The following MS4A5 variants were observed in gnomAD, a reference collection of about 807,000 sequenced individuals.
MS4A5 encodes the protein membrane spanning 4-domains A5, also known as membrane-spanning 4-domains subfamily A member 5.
MS4A5 carries 15 observed loss-of-function variants against 18.2 expected under a neutral mutation model. The observed-to-expected ratio is 0.83, with a 90% confidence interval of 0.55 to 1.27. MS4A5 has a LOEUF of 1.27. Ranked by LOEUF, MS4A5 falls within the 50% of genes most tolerant of loss-of-function variation. MS4A5 has a pLI of 0.00. For missense variants in MS4A5, 232 were observed against 225.7 expected, an observed-to-expected ratio of 1.03 and a Z score of -0.18; for synonymous variants, 89 against 78.7, an observed-to-expected ratio of 1.13 and a Z score of -0.69.
chr11:60,435,732 A>G (rs1182217594), intron 4 of MS4A5, among the ~76,000 whole-genome samples: 1 of 152,130 alleles, frequency 6.6e-6, no homozygotes, highest in Non-Finnish European at 1.5e-5. Context: ...ACGGGCTTAA[A>G]AAACGGCGCA....
At chr11:60,437,164 G>A (rs1358982662) in intron 4 of MS4A5, among the ~76,000 whole-genome samples, 1 of 143,344 alleles carries the variant, frequency 7.0e-6, no homozygotes, top group African/African-American at 2.5e-5. Context: ...TTCATATCCA[G>A]CCAAACTAAG....
chr11:60,446,343 G>A (rs1269561290), intron 4 of MS4A5, among the ~76,000 whole-genome samples: 2 of 152,202 alleles, frequency 1.3e-5, no homozygotes, highest in Non-Finnish European at 2.9e-5. Flanking sequence ...GGTAAGTGCA[G>A]GTCTGCAGCC....
chr11:60,436,922 C>T lies in MS4A5; in HGVS notation c.492+3005C>T, dbSNP rs569497343. On this transcript the variant is annotated intron_variant, in intron 4 of 4. Transcript: ENST00000300190. ...GTTCAGATTCAGGAAATACAGAGAA[C>T]GCCACAAAGATACTCCTCGAGAAAA... Among the ~76,000 whole-genome samples, 26 of 132,332 alleles carry T rather than the reference C, an allele frequency of 2.0e-4. 2 individuals are homozygous for T. The highest frequency in any genetic ancestry group is 5.8e-4 in the African/African-American group (22 of 38,032). 86.8% of individuals were successfully genotyped at this position (132,332 alleles called of 152,430 possible). A position where few individuals can be genotyped will look rare whatever the true frequency, so the allele number is the denominator to read the frequency against.
chr11:60,447,540 T>C, intron 4 of MS4A5, 109 bp from the exon 5 acceptor site: 1 of 627,164 alleles, frequency 1.6e-6, no homozygotes, highest in South Asian at 2.0e-5. Context: ...CTTGAGATAT[T>C]TGGGGAAGCT....
Position 60,429,654 on chromosome 11 carries a change from C to A in MS4A5, c.-21C>A. The A allele has an allele frequency of 6.3e-7, 1 of 1,599,138 alleles. No homozygotes were observed. The highest frequency in any genetic ancestry group is 8.5e-7 in the Non-Finnish European group (1 of 1,174,908). ...AAGTACCAACTAAATCATCTCCTTT[C>A]AAATTATCACCGACACCATCATGGA... is the stretch of plus-strand genomic sequence containing the variant. On this transcript the variant is annotated 5_prime_UTR_variant, in exon 1 of 5. Coordinates refer to ENST00000300190, the MANE Select transcript of MS4A5 (RefSeq NM_023945.3).
intron 4 of MS4A5, among the ~76,000 whole-genome samples, chr11:60,438,248 A>G (rs1277663778): frequency 2.0e-5 from 3 of 152,242 alleles, no homozygotes; most frequent in Non-Finnish European, 4.4e-5. Context: ...ACAACATATC[A>G]GAATCTCTGG....
At chr11:60,436,516 A>G in intron 4 of MS4A5, among the ~76,000 whole-genome samples, 1 of 135,906 alleles carries the variant, frequency 7.4e-6, no homozygotes, top group African/African-American at 2.5e-5. Context: ...AGAGGTTGAA[A>G]ACTTTGAAAA....
intron 2 of MS4A5, among the ~76,000 whole-genome samples, chr11:60,432,199 A>G (rs529275658): frequency 2.6e-5 from 4 of 152,240 alleles, no homozygotes; most frequent in Non-Finnish European, 5.9e-5. Context: ...GTTCAAATAA[A>G]TAGTTAGGGC....
At chr11:60,433,650 T>A (rs2086063336) in intron 3 of MS4A5, 115 bp from the exon 4 acceptor site, 2 of 963,208 alleles carry the variant, frequency 2.1e-6, no homozygotes, top group South Asian at 1.6e-5. Context: ...CAGAGCTGCC[T>A]CGTGGCATTA....
At chr11:60,447,573 G>T in intron 4 of MS4A5, 76 bp from the exon 5 acceptor site, 1 of 758,318 alleles carries the variant, frequency 1.3e-6, no homozygotes, top group South Asian at 1.8e-5. Context: ...GCATCACTAT[G>T]TCATTATAAT....
At chr11:60,435,580 T>C (rs1590831837) in intron 4 of MS4A5, 2 of 305,260 alleles carry the variant, frequency 6.6e-6, no homozygotes, top group South Asian at 5.4e-5. Flanking sequence ...GCGTGCACCC[T>C]GCGCGAGCCG....
At chr11:60,439,955 C>A (rs2086101380) in intron 4 of MS4A5, among the ~76,000 whole-genome samples, 1 of 143,064 alleles carries the variant, frequency 7.0e-6, no homozygotes, top group Non-Finnish European at 1.5e-5. Flanking sequence ...CAAAAAAGAG[C>A]CCACATCGCC....
At chr11:60,434,033 C>T in intron 4 of MS4A5, 116 bp downstream of exon 4, 1 of 914,284 alleles carries the variant, frequency 1.1e-6, no homozygotes, top group Non-Finnish European at 1.7e-6. Flanking sequence ...CTTTTACTGA[C>T]AAACATTTAT....
chr11:60,439,569 C>G (rs1334248256), intron 4 of MS4A5, among the ~76,000 whole-genome samples: 2 of 61,352 alleles, frequency 3.3e-5, no homozygotes, highest in South Asian at 6.4e-4. Context: ...TCAGCAACTT[C>G]AGCAAAGTCT....
At position 60,429,828 on chromosome 11, in the gene MS4A5, G is replaced by C; in HGVS notation, c.153+1G>C. 5 of 1,612,680 alleles carry C rather than the reference G, an allele frequency of 3.1e-6. No homozygotes were observed. Among genetic ancestry groups the C allele is most frequent in the Non-Finnish European group, 3.4e-6 (4 of 1,179,592 alleles). ...TGCTAGAAAAATGAAAATCTTAGGG[G>C]TAAGTAAGACTTGCCCCTATGTATA... On this transcript the variant is annotated splice_donor_variant, in intron 1 of 4. Transcript: ENST00000300190. LOFTEE classifies it high-confidence loss of function.
At chr11:60,438,265 T>G (rs2086091682) in intron 4 of MS4A5, among the ~76,000 whole-genome samples, 1 of 152,154 alleles carries the variant, frequency 6.6e-6, no homozygotes, top group South Asian at 2.1e-4. Flanking sequence ...CTGGGATGCA[T>G]TCAAAGCAGG....
rs372731011 is a variant in MS4A5, at chr11:60,432,367, C to T, written c.283-44C>T. 6.9e-6 allele frequency: 9 copies of T among 1,313,160 alleles called. No homozygotes were observed. The African/African-American group carries it at 1.3e-4, about 19-fold the overall frequency. 81.3% of individuals were successfully genotyped at this position (1,313,160 alleles called of 1,614,324 possible). A position where few individuals can be genotyped will look rare whatever the true frequency, so the allele number is the denominator to read the frequency against. ...GGTCTATTCTGTAAGAACTCAACAT[C>T]AGCTAAACATGGTCATCATTAACAT... On this transcript the variant is annotated intron_variant, in intron 2 of 4. Coordinates refer to ENST00000300190, the MANE Select transcript of MS4A5 (RefSeq NM_023945.3).
intron 4 of MS4A5, among the ~76,000 whole-genome samples, chr11:60,437,748 T>C (rs2086088764): frequency 6.6e-6 from 1 of 151,514 alleles, no homozygotes; most frequent in East Asian, 1.9e-4. Context: ...ATGCACCCAA[T>C]ACAGGAGCAC....
At chr11:60,432,489 T>C in intron 3 of MS4A5, 22 bp downstream of exon 3, 1 of 1,473,020 alleles carries the variant, frequency 6.8e-7, no homozygotes. Flanking sequence ...TCTTACTTTA[T>C]TAAAAATATA....
Sources: gnomAD v4.1 joint callset for allele counts (sites outside exome capture counted in the v4.1 genomes callset) on GRCh38, gnomAD v4.1.1 for gene constraint, MANE v1.5 for transcripts, NCBI Gene and HGNC (gene_info 2026-07-23, HGNC 2026-07-21) for gene names.